Variants in ATR observed in about 807,000 individuals in gnomAD.
ATR encodes the protein ATR checkpoint kinase, also known as serine/threonine-protein kinase ATR.
In ATR, 142 loss-of-function variants were observed where a neutral mutation model predicts 305.3. The ratio of observed to expected loss-of-function variants is 0.47; its 90% confidence interval spans 0.41 to 0.53. The LOEUF is 0.53. Ranked by LOEUF, ATR falls within the 20% of genes least tolerant of loss-of-function variation. The pLI is 0.00. For synonymous variants in ATR, 1,050 were observed against 1,068.1 expected (o/e 0.98, Z 0.33); for missense variants, 2,135 against 3,133.1 (o/e 0.68, Z 7.60).
chr3:142,512,181 T>A, intron 27 of ATR, 79 bp downstream of exon 27: 1 of 1,268,332 alleles, frequency 7.9e-7, no homozygotes. Context: ...GTGCTTAAAT[T>A]ATAGAACTGA....
chr3:142,507,539 T>A (rs549188372), intron 28 of ATR, among the ~76,000 whole-genome samples: 1 of 152,370 alleles, frequency 6.6e-6, no homozygotes, highest in East Asian at 1.9e-4. Context: ...TTATTTGTGA[T>A]CTTTCCTCTA....
chr3:142,493,203 T>C lies in ATR; in HGVS notation c.6007A>G (p.Met2003Val). 3 of 1,613,732 alleles carry C rather than the reference T, an allele frequency of 1.9e-6. No individual in the cohort carries two copies. The highest frequency in any genetic ancestry group is 1.1e-5 in the South Asian group (1 of 90,888). Residue 2003 changes from methionine (M) to valine (V), a missense_variant, in exon 35 of 47, where the codon ATG becomes GTG. By Grantham distance (21) the Met-to-Val change is conservative. Transcript: ENST00000350721. ...TCCATAAATCGGCCCACTAGTAGCA[T>C]AGCTCGACCATGGATTAACATGTTC... ...GKNMLIHGRA[M>V]LLVGRFMEET...
At chr3:142,520,969 C>T (rs1392719760) in intron 23 of ATR, among the ~76,000 whole-genome samples, 1 of 152,170 alleles carries the variant, frequency 6.6e-6, no homozygotes, top group Non-Finnish European at 1.5e-5. Flanking sequence ...AGGTTAATAA[C>T]TCTCTTGTTA....
At chr3:142,477,784 C>T (rs878898613) in intron 36 of ATR, among the ~76,000 whole-genome samples, 3 of 152,062 alleles carry the variant, frequency 2.0e-5, no homozygotes, top group Non-Finnish European at 2.9e-5. Flanking sequence ...GTTATTGGTC[C>T]ATTAAGAGAT....
intron 36 of ATR, among the ~76,000 whole-genome samples, chr3:142,471,606 A>G (rs1010301923): frequency 6.6e-6 from 1 of 152,260 alleles, no homozygotes; most frequent in African/African-American, 2.4e-5. Flanking sequence ...GTTTTTAAAC[A>G]TTTCATTTAT....
At position 142,541,097 on chromosome 3, in the gene ATR, C is replaced by T. The variant is rs184080588; in HGVS notation, c.3451-63G>A. ...AACATGCTGCCAGAAGCAGATGAGC[C>T]CTAAGGACAAGTGCTTCCCACCCAG... is the stretch of plus-strand genomic sequence containing the variant. On this transcript the variant is annotated intron_variant, in intron 17 of 46. Coordinates refer to ENST00000350721, the MANE Select transcript of ATR (RefSeq NM_001184.4). 1.7e-4 allele frequency: 276 copies of T among 1,581,574 alleles called. 2 individuals are homozygous for T. In the African/African-American group the frequency reaches 3.5e-3, roughly 20 times the overall value.
chr3:142,546,324 T>A (rs13065075), intron 16 of ATR, among the ~76,000 whole-genome samples: 2 of 151,908 alleles, frequency 1.3e-5, no homozygotes, highest in Non-Finnish European at 2.9e-5. Flanking sequence ...AAGTTTTCTG[T>A]GGTTTGTAGT....
At chr3:142,532,994 T>G (rs927236468) in intron 21 of ATR, among the ~76,000 whole-genome samples, 1 of 152,170 alleles carries the variant, frequency 6.6e-6, no homozygotes, top group Non-Finnish European at 1.5e-5. Flanking sequence ...ACTATCCACA[T>G]GTGGCTATTT....
chr3:142,550,242 T>G lies in ATR; in HGVS notation c.2866A>C (p.Asn956His). Reference protein sequence around the residue: ...MTALPNTPCQNADVRKQDVAH... With the variant: ...MTALPNTPCQHADVRKQDVAH... ...ACATCTTGTTTTCGCACGTCAGCAT[T>G]CTGGCATGGAGTATTCGGAAGTGCT... is the stretch of plus-strand genomic sequence containing the variant. The change falls in exon 14 of 47, where the codon AAT becomes CAT. Residue 956 changes from asparagine (N) to histidine (H), a missense_variant. Coordinates refer to ENST00000350721, the MANE Select transcript of ATR (RefSeq NM_001184.4). 6.2e-7 allele frequency: 1 copy of G among 1,614,176 alleles called. No homozygotes were observed. Among genetic ancestry groups the G allele is most frequent in the Non-Finnish European group, 8.5e-7 (1 of 1,180,022 alleles).
intron 10 of ATR, among the ~76,000 whole-genome samples, chr3:142,555,339 C>T (rs1266236815): frequency 6.6e-6 from 1 of 151,978 alleles, no homozygotes; most frequent in African/African-American, 2.4e-5. Context: ...CTTTCTATTG[C>T]TTTCAATAGA....
intron 24 of ATR, among the ~76,000 whole-genome samples, chr3:142,519,154 C>G (rs1442643088): frequency 6.6e-6 from 1 of 152,060 alleles, no homozygotes; most frequent in African/African-American, 2.4e-5. Flanking sequence ...ATAAATTTAT[C>G]TGAATATTTA....
intron 24 of ATR, among the ~76,000 whole-genome samples, chr3:142,518,249 G>T (rs2032992087): frequency 6.6e-6 from 1 of 152,216 alleles, no homozygotes; most frequent in Non-Finnish European, 1.5e-5. Context: ...GTGGCCAGGT[G>T]TGATGGCTCA....
chr3:142,485,023 C>T, intron 36 of ATR, 117 bp downstream of exon 36: 2 of 1,451,742 alleles, frequency 1.4e-6, no homozygotes, highest in Non-Finnish European at 1.9e-6. Context: ...AGGTGATACA[C>T]TGAATCAGTC....
In ATR at chr3:142,503,459, A is replaced by ATATTTAAATATATTTAAAT; in HGVS notation, c.5197-7_5197-6insATTTAAATATATTTAAATA. On this transcript the variant is annotated splice_polypyrimidine_tract_variant and splice_region_variant and intron_variant, in intron 29 of 46. Transcript: ENST00000350721. ...ACACCATGATAATGAATGATCTAGA[A>ATATTTAAATATATTTAAAT]ATTTAAAAATATTTAAAATAGCAAT... 1 of 1,558,264 alleles carries ATATTTAAATATATTTAAAT rather than the reference A, an allele frequency of 6.4e-7. No homozygotes were observed. Among genetic ancestry groups the ATATTTAAATATATTTAAAT allele is most frequent in the South Asian group, 1.1e-5 (1 of 87,940 alleles).
chr3:142,468,059 G>A lies in ATR; in HGVS notation c.6562C>T (p.Pro2188Ser), dbSNP rs2108276301. ...MMTAVSKSSYPMRVNRCKEIL... is the reference protein window; with the variant it reads ...MMTAVSKSSYSMRVNRCKEIL... ...TCCTTGCATCTGTTCACACGCATGG[G>A]ATAAGATGACTGTCATAAAAAAGAG... Residue 2188 changes from proline (P) to serine (S), a missense_variant, in exon 39 of 47, where the codon CCC (proline) becomes TCC (serine). This residue lies in a region of ATR where 462 missense variants were observed against 887.6 expected (regional missense o/e 0.52). Coordinates refer to ENST00000350721, the MANE Select transcript of ATR (RefSeq NM_001184.4). 1 of 1,612,232 alleles carries A rather than the reference G, an allele frequency of 6.2e-7. No homozygotes were observed. Among genetic ancestry groups the A allele is most frequent in the South Asian group, 1.1e-5 (1 of 91,000 alleles).
intron 30 of ATR, among the ~76,000 whole-genome samples, chr3:142,500,496 G>A (rs2031900324): frequency 6.6e-6 from 1 of 151,912 alleles, no homozygotes; most frequent in African/African-American, 2.4e-5. Flanking sequence ...TAGATCCTAG[G>A]CTAGGTACAA....
chr3:142,509,116 A>G (rs956459107), intron 27 of ATR, among the ~76,000 whole-genome samples: 4 of 152,120 alleles, frequency 2.6e-5, no homozygotes, highest in Non-Finnish European at 4.4e-5. Context: ...AAAACAGGCA[A>G]CAAATTTCTT....
At chr3:142,516,891 A>T (rs1455915507) in intron 24 of ATR, among the ~76,000 whole-genome samples, 3 of 151,730 alleles carry the variant, frequency 2.0e-5, no homozygotes, top group Admixed American at 2.0e-4. Context: ...ACCTGTGTGT[A>T]GGATTTTTTT....
rs373246579 is a variant in ATR, at chr3:142,543,573, CTCTT to C, written c.3358-820_3358-817del. 1.2e-3 allele frequency among the ~76,000 whole-genome samples: 182 copies of C among 151,390 alleles called. 1 individual carries two copies. The highest frequency in any genetic ancestry group is 4.4e-3 in the South Asian group (21 of 4,796). ...CCTTCCTTCCTTCCTCCCTCCCTCC[CTCTT>C]TCTTTTTCTTTCTTTCCTCCTCTTT... On this transcript the variant is annotated intron_variant, in intron 16 of 46. Transcript: ENST00000350721.
Sources: gnomAD v4.1 joint callset for allele counts (sites outside exome capture counted in the v4.1 genomes callset) on GRCh38, gnomAD v4.1.1 for gene constraint, gnomAD v4.1.1 regional missense constraint, MANE v1.5 for transcripts, NCBI Gene and HGNC (gene_info 2026-07-23, HGNC 2026-07-21) for gene names.